The following LCLAT1 variants were observed in gnomAD, a reference collection of about 807,000 sequenced individuals.
The protein encoded by LCLAT1 is 1-AGP acyltransferase 8.
A neutral mutation model predicts 30.7 loss-of-function variants in LCLAT1; 11 were observed. The observed-to-expected ratio is 0.36, with a 90% CI of 0.23 to 0.59. The LOEUF (loss-of-function observed/expected upper bound fraction) is 0.59. Ranked by LOEUF, LCLAT1 falls within the 20% of genes least tolerant of loss-of-function variation. LCLAT1 has a pLI of 0.77. For missense variants in LCLAT1, 402 were observed against 458.6 expected (o/e 0.88, Z 1.13); for synonymous variants, 155 against 151.3 (o/e 1.02, Z -0.18).
intron 1 of LCLAT1, among the ~76,000 whole-genome samples, chr2:30,458,680 T>G (rs893680158): frequency 6.6e-6 from 1 of 152,142 alleles, no homozygotes; most frequent in Non-Finnish European, 1.5e-5. Context: ...GGTGAACTGG[T>G]TGAGTCTGAA....
At chr2:30,568,985 G>A (rs910232439) in intron 5 of LCLAT1, among the ~76,000 whole-genome samples, 2 of 150,644 alleles carry the variant, frequency 1.3e-5, no homozygotes, top group East Asian at 2.0e-4. Flanking sequence ...GAAATATAAC[G>A]ATCTGAAAAA....
At chr2:30,538,414 G>A (rs752602747) in intron 3 of LCLAT1, among the ~76,000 whole-genome samples, 9 of 152,054 alleles carry the variant, frequency 5.9e-5, no homozygotes, top group Non-Finnish European at 1.2e-4. Flanking sequence ...AGGCCAAGGC[G>A]GGTGGATCAC....
At chr2:30,460,839 A>C (rs1251580828) in intron 1 of LCLAT1, among the ~76,000 whole-genome samples, 2 of 152,122 alleles carry the variant, frequency 1.3e-5, no homozygotes, top group African/African-American at 4.8e-5. Flanking sequence ...TGATTTAATC[A>C]CTGATGCCTA....
At chr2:30,614,573 G>A (rs537927795) in intron 5 of LCLAT1, among the ~76,000 whole-genome samples, 26 of 152,218 alleles carry the variant, frequency 1.7e-4, no homozygotes, top group Admixed American at 1.6e-3. Context: ...AAAGACTGTG[G>A]TAAGTACAGG....
At chr2:30,602,274 C>G (rs1194674342) in intron 5 of LCLAT1, among the ~76,000 whole-genome samples, 1 of 151,938 alleles carries the variant, frequency 6.6e-6, no homozygotes. Context: ...ATTTTCTGCA[C>G]TGTGTATCTT....
At position 30,642,635 on chromosome 2, in the gene LCLAT1, C is replaced by T. The variant is rs1669379599; in HGVS notation, c.*2016C>T. 6.6e-6 allele frequency: 1 copy of T among 151,934 alleles called. No individual in the cohort carries two copies. The highest frequency in any genetic ancestry group is 2.4e-5 in the African/African-American group (1 of 41,402). The allele number at this position is 151,934 out of a possible 1,614,324, so 9.4% of individuals were successfully genotyped here. A position where few individuals can be genotyped will look rare whatever the true frequency, so the allele number is the denominator to read the frequency against. ...CTACAAACTCAAGAGGCTCATTGTT[C>T]AAGGTGTAACAACATTTAATTGCAT... On this transcript the variant is annotated 3_prime_UTR_variant, in exon 6 of 6. Coordinates refer to ENST00000379509, the MANE Select transcript of LCLAT1 (RefSeq NM_001002257.3).
At chr2:30,571,519 A>G (rs1192981748) in intron 5 of LCLAT1, among the ~76,000 whole-genome samples, 2 of 152,224 alleles carry the variant, frequency 1.3e-5, no homozygotes, top group Admixed American at 1.3e-4. Flanking sequence ...CAACTAGCTA[A>G]CAGTCCAGTC....
intron 5 of LCLAT1, among the ~76,000 whole-genome samples, chr2:30,608,440 T>C (rs1374333974): frequency 6.6e-6 from 1 of 152,052 alleles, no homozygotes; most frequent in Non-Finnish European, 1.5e-5. Context: ...TAGTGTACAG[T>C]GGTGTCCTAG....
chr2:30,470,579 A>AATTCT (rs1558458532), intron 1 of LCLAT1, among the ~76,000 whole-genome samples: 1 of 152,234 alleles, frequency 6.6e-6, no homozygotes. Context: ...ATGAGGTTAG[A>AATTCT]AGCAAGATGG....
At position 30,570,231 on chromosome 2, in the gene LCLAT1, C is replaced by T. The variant is rs560020136; in HGVS notation, c.628+2055C>T. Among the ~76,000 whole-genome samples, 4 of 152,274 alleles carry T rather than the reference C, an allele frequency of 2.6e-5. No homozygotes were observed. The South Asian group carries it at 8.3e-4, about 32-fold the overall frequency. ...ATGTAATTTTTCCTGCCAGTTGTGACAGCTGGTCTCCCCAACATCCCTCCT... is the reference window on the plus strand; with the variant it reads ...ATGTAATTTTTCCTGCCAGTTGTGATAGCTGGTCTCCCCAACATCCCTCCT... On this transcript the variant is annotated intron_variant, in intron 5 of 5. Coordinates refer to ENST00000379509, the MANE Select transcript of LCLAT1 (RefSeq NM_001002257.3).
Position 30,459,909 on chromosome 2 carries a change from C to CT in LCLAT1, c.-5+12532dup, listed in dbSNP as rs559902367. ...TTTCTATTGGAGGGAGATAAATGTC[C>CT]TTTTTTAGAAAATAAAATAACACAT... On this transcript the variant is annotated intron_variant, in intron 1 of 5. Transcript: ENST00000379509. 4.5e-3 allele frequency among the ~76,000 whole-genome samples: 679 copies of CT among 152,162 alleles called. 1 individual carries two copies. Among genetic ancestry groups the CT allele is most frequent in the Middle Eastern group, 0.02 (6 of 294 alleles).
chr2:30,569,760 A>G (rs916946701), intron 5 of LCLAT1, among the ~76,000 whole-genome samples: 5 of 152,250 alleles, frequency 3.3e-5, no homozygotes, highest in Admixed American at 6.5e-5. Context: ...ATCACATGGT[A>G]TGGTAAACCA....
intron 2 of LCLAT1, among the ~76,000 whole-genome samples, chr2:30,527,755 A>G (rs569526190): frequency 6.6e-6 from 1 of 152,298 alleles, no homozygotes; most frequent in East Asian, 1.9e-4. Flanking sequence ...TAATAAATAT[A>G]TAGCCTTTTT....
intron 1 of LCLAT1, among the ~76,000 whole-genome samples, chr2:30,482,292 A>AT (rs1280510225): frequency 2.0e-5 from 3 of 151,940 alleles, no homozygotes; most frequent in Admixed American, 6.6e-5. Context: ...TGTAGGTTAG[A>AT]TTTTTTTTCC....
intron 5 of LCLAT1, among the ~76,000 whole-genome samples, chr2:30,613,141 G>C (rs371431414): frequency 1.3e-5 from 2 of 152,104 alleles, no homozygotes; most frequent in Non-Finnish European, 2.9e-5. Context: ...GGCTAGACCA[G>C]ATCAAGTCAC....
intron 1 of LCLAT1, among the ~76,000 whole-genome samples, chr2:30,462,276 T>A (rs1273253448): frequency 6.6e-6 from 1 of 152,110 alleles, no homozygotes; most frequent in Non-Finnish European, 1.5e-5. Context: ...TCAGTTTGTA[T>A]CTCCAGTAAG....
In LCLAT1 at chr2:30,533,124, G is replaced by A. The variant is rs146998079; in HGVS notation, c.174G>A (p.Leu58=). ...ATWLTLPVAL[L]ETMFGVKVII... is the part of the protein sequence containing the mutation. ...CTGTATTGTTTTCTTAGGCATTATT[G>A]GAGACCATGTTTGGTGTAAAAGTGA... Residue 58 remains leucine, a synonymous_variant, in exon 3 of 6, where the codon TTG becomes TTA. Transcript: ENST00000379509. 173 of 1,612,026 alleles carry A rather than the reference G, an allele frequency of 1.1e-4. 3 individuals are homozygous for A. In the African/African-American group the frequency reaches 2.1e-3, roughly 20 times the overall value.
chr2:30,617,342 A>G (rs1668040531), intron 5 of LCLAT1, among the ~76,000 whole-genome samples: 1 of 152,164 alleles, frequency 6.6e-6, no homozygotes, highest in Non-Finnish European at 1.5e-5. Context: ...AGTTTCATCC[A>G]TATTGCTGCA....
chr2:30,492,330 C>T (rs1683877072), intron 1 of LCLAT1, among the ~76,000 whole-genome samples: 1 of 152,062 alleles, frequency 6.6e-6, no homozygotes, highest in Non-Finnish European at 1.5e-5. Flanking sequence ...GAGAACTGAG[C>T]TGGACTTGTA....
Sources: gnomAD v4.1 joint callset for allele counts (sites outside exome capture counted in the v4.1 genomes callset) on GRCh38, gnomAD v4.1.1 for gene constraint, MANE v1.5 for transcripts, NCBI Gene and HGNC (gene_info 2026-07-23, HGNC 2026-07-21) for gene names.